The following CTPS2 variants were observed in gnomAD, a reference collection of about 807,000 sequenced individuals.
CTPS2 encodes CTP synthase II.
Under a neutral mutation model 46.8 loss-of-function variants are expected in CTPS2, and 19 were observed. The ratio of observed to expected loss-of-function variants is 0.41; its 90% CI spans 0.28 to 0.60. The LOEUF is 0.60. Ranked by LOEUF, CTPS2 falls within the 20% of genes least tolerant of loss-of-function variation. The probability of loss-of-function intolerance (pLI) is 0.35; values close to 1 mark genes in which losing one functional copy is unlikely to be tolerated. For synonymous variants in CTPS2, 151 were observed against 165.2 expected (o/e 0.91, Z 0.66); for missense variants, 286 against 447.6 (o/e 0.64, Z 3.26).
At chrX:16,641,545 G>A (rs1325685437) in intron 13 of CTPS2, among the ~76,000 whole-genome samples, 1 of 112,332 alleles carries the variant, frequency 8.9e-6, no homozygotes, top group Non-Finnish European at 1.9e-5. Context: ...CCAGAAGTTC[G>A]AGACCAGCCT....
At chrX:16,699,654 C>T (rs924133466) in intron 2 of CTPS2, among the ~76,000 whole-genome samples, 3 of 112,421 alleles carry the variant, frequency 2.7e-5, no homozygotes, top group East Asian at 2.8e-4. Context: ...CTACTAGACA[C>T]GTCTGTAGAT....
intron 1 of CTPS2, among the ~76,000 whole-genome samples, chrX:16,707,841 C>T (rs751677037): frequency 1.0e-4 from 11 of 110,495 alleles, no homozygotes; most frequent in African/African-American, 3.3e-4. Context: ...GGCGTGGTGG[C>T]GTGTGCCTGT....
intron 17 of CTPS2, among the ~76,000 whole-genome samples, chrX:16,603,610 C>CATT (rs1929805391): frequency 1.1e-5 from 1 of 90,127 alleles, no homozygotes; most frequent in African/African-American, 4.7e-5. Context: ...TAGATACACT[C>CATT]ACTATTATTA....
intron 17 of CTPS2, among the ~76,000 whole-genome samples, chrX:16,598,697 A>C (rs766371385): frequency 0.025 from 2,740 of 111,351 alleles, 100 homozygotes; most frequent in African/African-American, 0.083. Flanking sequence ...AATCCTCCCT[A>C]ACTCATTTTA....
intron 13 of CTPS2, among the ~76,000 whole-genome samples, chrX:16,659,903 C>T (rs1932904794): frequency 9.0e-6 from 1 of 111,552 alleles, no homozygotes; most frequent in Non-Finnish European, 1.9e-5. Context: ...CTTTGACCAA[C>T]ATCTCCCCAT....
chrX:16,683,623 C>T (rs1057298157), intron 8 of CTPS2, among the ~76,000 whole-genome samples: 1 of 111,168 alleles, frequency 9.0e-6, no homozygotes, highest in African/African-American at 3.3e-5. Flanking sequence ...GAAATCCCAA[C>T]GTTGTTTTAC....
intron 1 of CTPS2, among the ~76,000 whole-genome samples, chrX:16,710,235 A>G (rs759389880): frequency 8.9e-6 from 1 of 112,567 alleles, no homozygotes; most frequent in South Asian, 3.6e-4. Context: ...AGAGAGGCCA[A>G]GAAGAATGTG....
intron 16 of CTPS2, among the ~76,000 whole-genome samples, chrX:16,612,112 T>G (rs1930291811): frequency 8.9e-6 from 1 of 112,078 alleles, no homozygotes; most frequent in Non-Finnish European, 1.9e-5. Flanking sequence ...AAATCCTCTA[T>G]GCCAATATGA....
intron 1 of CTPS2, 81 bp from the exon 2 acceptor site, chrX:16,703,022 A>ATTTTT: frequency 4.4e-6 from 2 of 451,236 alleles, no homozygotes; most frequent in South Asian, 4.3e-5. Flanking sequence ...ACCAGAATTA[A>ATTTTT]TTTTTTTTTT....
intron 13 of CTPS2, among the ~76,000 whole-genome samples, chrX:16,645,068 C>T (rs993463989): frequency 2.7e-5 from 3 of 111,594 alleles, no homozygotes; most frequent in African/African-American, 9.8e-5. Context: ...CTGCAAGCTC[C>T]GCCTCCCGGG....
chrX:16,694,868 G>A (rs912653798), intron 4 of CTPS2, among the ~76,000 whole-genome samples: 3 of 111,671 alleles, frequency 2.7e-5, no homozygotes, highest in Non-Finnish European at 5.7e-5. Context: ...GCGGCACGGC[G>A]CCTATGGTCC....
intron 13 of CTPS2, among the ~76,000 whole-genome samples, chrX:16,646,113 G>C (rs1054124185): frequency 6.2e-5 from 7 of 112,943 alleles, no homozygotes; most frequent in African/African-American, 2.2e-4. Context: ...CTCAGAAAAA[G>C]AACCTTCTTA....
At chrX:16,692,171 G>A (rs1318197652) in intron 6 of CTPS2, among the ~76,000 whole-genome samples, 7 of 110,989 alleles carry the variant, frequency 6.3e-5, no homozygotes, top group Non-Finnish European at 1.1e-4. Flanking sequence ...TAAGAGCAGC[G>A]GACTGGGCGT....
rs1250218562 is a variant in CTPS2 at position 16,703,043 on chromosome X, A to G, written c.-39-102T>C. 3 of 427,796 alleles carry G rather than the reference A, an allele frequency of 7.0e-6. No individual in the cohort carries two copies. The African/African-American group carries it at 9.4e-5, about 13-fold the overall frequency. The allele number at this position is 427,796 out of a possible 1,213,427, so 35.3% of individuals were successfully genotyped here. A position where few individuals can be genotyped will look rare whatever the true frequency, so the allele number is the denominator to read the frequency against. ...ATTAATTTTTTTTTTTTTTTTTTTT[A>G]GACATAGTCTTACTGTCACCCAGGC... On this transcript the variant is annotated intron_variant, in intron 1 of 18. Transcript: ENST00000359276.
intron 14 of CTPS2, among the ~76,000 whole-genome samples, chrX:16,636,919 AAAAAAAT>A (rs767872415): frequency 8.1e-5 from 9 of 111,382 alleles, no homozygotes; most frequent in African/African-American, 1.3e-4. Flanking sequence ...TCCGTCTCAA[AAAAAAAT>A]AAAAAATAAA....
chrX:16,611,882 G>T (rs1265248219), intron 16 of CTPS2, among the ~76,000 whole-genome samples: 1 of 112,283 alleles, frequency 8.9e-6, no homozygotes, highest in East Asian at 2.8e-4. Flanking sequence ...GAAACGCAGA[G>T]AAATCATCCG....
intron 18 of CTPS2, among the ~76,000 whole-genome samples, chrX:16,590,123 T>C (rs775732355): frequency 3.5e-5 from 4 of 112,747 alleles, no homozygotes; most frequent in Non-Finnish European, 7.5e-5. Flanking sequence ...TAGTGCATAA[T>C]AGAGCAATGG....
At chrX:16,707,853 G>T (rs11797221) in intron 1 of CTPS2, among the ~76,000 whole-genome samples, 43 of 110,395 alleles carry the variant, frequency 3.9e-4, no homozygotes, top group Middle Eastern at 4.7e-3. Flanking sequence ...TGTGCCTGTG[G>T]TCCCAGCTAC....
chrX:16,672,428 T>C (rs1396458845), intron 10 of CTPS2, among the ~76,000 whole-genome samples: 3 of 111,302 alleles, frequency 2.7e-5, no homozygotes, highest in African/African-American at 9.8e-5. Flanking sequence ...TTTCTCCCTT[T>C]ATCTCCTTTC....
Sources: allele counts gnomAD v4.1 joint callset (sites outside exome capture counted in the v4.1 genomes callset), GRCh38; gene constraint gnomAD v4.1.1; transcripts MANE v1.5; gene names NCBI Gene and HGNC (gene_info 2026-07-23, HGNC 2026-07-21).